Variants in KCNQ1 observed in about 807,000 individuals in gnomAD.
KCNQ1 encodes the protein potassium voltage-gated channel subfamily Q member 1.
In KCNQ1, 49 loss-of-function variants were observed where a neutral mutation model predicts 72.4. That is an observed-to-expected ratio of 0.68 (90% CI 0.54 to 0.86). The LOEUF (loss-of-function observed/expected upper bound fraction) is 0.86, where lower values mean the gene tolerates loss of function less well. Ranked by LOEUF, KCNQ1 falls within the 40% of genes least tolerant of loss-of-function variation. The probability of loss-of-function intolerance (pLI) is 0.00; values close to 1 mark genes in which losing one functional copy is unlikely to be tolerated. For missense variants in KCNQ1, 790 were observed against 945.1 expected (o/e 0.84, Z 2.15); for synonymous variants, 450 against 412.6 (o/e 1.09, Z -1.10).
rs773320289 is a variant in KCNQ1, at chr11:2,725,886, C to T, written c.1515-42958C>T. Reference sequence around the variant, plus strand: ...CCAAGCGTTTTCTGACTTGGAGAGGCAGGAGGCCAACTCCCCGCTCCTCAG... The same window carrying T: ...CCAAGCGTTTTCTGACTTGGAGAGGTAGGAGGCCAACTCCCCGCTCCTCAG... On this transcript the variant is annotated intron_variant, in intron 11 of 15. Transcript: ENST00000155840. This position sits in a 1 kb window ranked among gnomAD's most constrained non-coding sequence, Gnocchi z 7.2. Among the ~76,000 whole-genome samples, 38 of 152,090 alleles carry T rather than the reference C, an allele frequency of 2.5e-4. No homozygotes were observed. Among genetic ancestry groups the T allele is most frequent in the Admixed American group, 1.0e-3 (16 of 15,254 alleles).
Position 2,677,284 on chromosome 11 carries a change from C to A in KCNQ1, c.1514+15203C>A. The A allele has an allele frequency of 2.5e-6, 1 of 398,500 alleles. No homozygotes were observed. Among genetic ancestry groups the A allele is most frequent in the South Asian group, 1.3e-4 (1 of 7,828 alleles). 24.7% of individuals were successfully genotyped at this position (398,500 alleles called of 1,614,324 possible). On this transcript the variant is annotated intron_variant, in intron 11 of 15. Transcript: ENST00000155840. This position sits in a 1 kb window ranked among gnomAD's most constrained non-coding sequence, Gnocchi z 4.5. ...TATAAAGAGGAACTGTAAATCTTGT[C>A]AAAATAGGAGATTTCATCAAGTTAA...
intron 15 of KCNQ1, among the ~76,000 whole-genome samples, chr11:2,789,092 A>T (rs2134005776): frequency 6.6e-6 from 1 of 152,302 alleles, no homozygotes; most frequent in African/African-American, 2.4e-5. Flanking sequence ...CACCCCTGGA[A>T]CCAGGCTCAG....
In KCNQ1 at chr11:2,620,186, T is replaced by C; in HGVS notation, c.1393+31332T>C. 1 of 390,354 alleles carries C rather than the reference T, an allele frequency of 2.6e-6. No individual in the cohort carries two copies. The allele number at this position is 390,354 out of a possible 1,614,324, so 24.2% of individuals were successfully genotyped here. ...TGCATCCATGTTGCTGCAAAGGACGTAAGTTCATTCATGTATATATATATA... is the reference window on the plus strand; with the variant it reads ...TGCATCCATGTTGCTGCAAAGGACGCAAGTTCATTCATGTATATATATATA... On this transcript the variant is annotated intron_variant, in intron 10 of 15. Coordinates refer to ENST00000155840, the MANE Select transcript of KCNQ1 (RefSeq NM_000218.3). The surrounding 1 kb of genome is among the most constrained non-coding windows in gnomAD (Gnocchi z 4.5).
At chr11:2,517,112 C>T (rs538116731) in intron 1 of KCNQ1, among the ~76,000 whole-genome samples, 1 of 152,138 alleles carries the variant, frequency 6.6e-6, no homozygotes, top group Non-Finnish European at 1.5e-5. Context: ...CCTGGGCGTC[C>T]GGGTGAGATG....
rs915697583 is a variant in KCNQ1 at position 2,657,973 on chromosome 11, G to A, written c.1394-3988G>A. On this transcript the variant is annotated intron_variant, in intron 10 of 15. Transcript: ENST00000155840. This position sits in a 1 kb window ranked among gnomAD's most constrained non-coding sequence, Gnocchi z 4.8. ...TGAGCCACTCGTTTAAAGTGGTGTC[G>A]GCCAGGCTCCTCCACTGTAAGTGAA... 13 of 398,370 alleles carry A rather than the reference G, an allele frequency of 3.3e-5. No homozygotes were observed. The highest frequency in any genetic ancestry group is 4.0e-5 in the Non-Finnish European group (9 of 226,046). 24.7% of individuals were successfully genotyped at this position (398,370 alleles called of 1,614,324 possible). A position where few individuals can be genotyped will look rare whatever the true frequency, so the allele number is the denominator to read the frequency against.
chr11:2,543,233 G>A lies in KCNQ1; in HGVS notation c.477+15215G>A, dbSNP rs916665940. ...TTACATAGATATTTGTTTTACACAT[G>A]TATTCTCTAGTCGGTGGCTTTCCTT... On this transcript the variant is annotated intron_variant, in intron 2 of 15. Transcript: ENST00000155840. This position sits in a 1 kb window ranked among gnomAD's most constrained non-coding sequence, Gnocchi z 5.6. 6.6e-6 allele frequency among the ~76,000 whole-genome samples: 1 copy of A among 152,118 alleles called. No homozygotes were observed. Among genetic ancestry groups the A allele is most frequent in the Non-Finnish European group, 1.5e-5 (1 of 68,012 alleles).
intron 10 of KCNQ1, chr11:2,641,793 C>G (rs1489560277): frequency 2.5e-6 from 1 of 398,354 alleles, no homozygotes; most frequent in Non-Finnish European, 4.4e-6. Context: ...AAGTCTTTAA[C>G]CCATCTTGAG....
chr11:2,619,642 T>C (rs1849130217), intron 10 of KCNQ1: 1 of 398,440 alleles, frequency 2.5e-6, no homozygotes, highest in African/African-American at 2.1e-5. Flanking sequence ...TTGTGATGCC[T>C]TTGGCTCACC....
rs1442172649 is a variant in KCNQ1, at chr11:2,663,758, G to A, written c.1514+1677G>A. The A allele has an allele frequency of 5.0e-6, 2 of 398,608 alleles. No homozygotes were observed. The highest frequency in any genetic ancestry group is 8.8e-6 in the Non-Finnish European group (2 of 226,144). The allele number at this position is 398,608 out of a possible 1,614,324, so 24.7% of individuals were successfully genotyped here. A position where few individuals can be genotyped will look rare whatever the true frequency, so the allele number is the denominator to read the frequency against. On this transcript the variant is annotated intron_variant, in intron 11 of 15. Coordinates refer to ENST00000155840, the MANE Select transcript of KCNQ1 (RefSeq NM_000218.3). The surrounding 1 kb of genome is among the most constrained non-coding windows in gnomAD (Gnocchi z 5.2). ...AGGTGGTGAGAGACCAGGCACTTAT[G>A]TGGATCACAGCCAAACTTGCAGCTG... is the stretch of plus-strand genomic sequence containing the variant.
intron 11 of KCNQ1, chr11:2,672,159 T>G (rs2133869562): frequency 2.5e-6 from 1 of 398,744 alleles, no homozygotes; most frequent in South Asian, 1.3e-4. Flanking sequence ...AAAGTTGGGC[T>G]TGTTTTTCAG....
At chr11:2,504,813 T>G (rs975178209) in intron 1 of KCNQ1, among the ~76,000 whole-genome samples, 8 of 152,170 alleles carry the variant, frequency 5.3e-5, no homozygotes, top group Non-Finnish European at 1.0e-4. Flanking sequence ...GGGTAAATGT[T>G]TGAGGTAGTA....
intron 15 of KCNQ1, among the ~76,000 whole-genome samples, chr11:2,790,716 C>T (rs925026215): frequency 6.6e-6 from 1 of 152,236 alleles, no homozygotes; most frequent in Non-Finnish European, 1.5e-5. Context: ...TTATGCCGAT[C>T]GCTCGCGTGC....
At chr11:2,739,669 G>A (rs1846018271) in intron 11 of KCNQ1, among the ~76,000 whole-genome samples, 1 of 152,210 alleles carries the variant, frequency 6.6e-6, no homozygotes, top group Non-Finnish European at 1.5e-5. Context: ...CCTATCCACG[G>A]CACTGGGCCC....
At position 2,663,202 on chromosome 11, in the gene KCNQ1, A is replaced by C; in HGVS notation, c.1514+1121A>C. ...AGGTTGGCAGTACCTCATGGTGGGT[A>C]GGGTGTGAAGAGGCTCCAAGGGAGC... On this transcript the variant is annotated intron_variant, in intron 11 of 15. Coordinates refer to ENST00000155840, the MANE Select transcript of KCNQ1 (RefSeq NM_000218.3). The surrounding 1 kb of genome is among the most constrained non-coding windows in gnomAD (Gnocchi z 5.2). The C allele has an allele frequency of 2.5e-6, 1 of 398,716 alleles. No homozygotes were observed. The highest frequency in any genetic ancestry group is 4.4e-6 in the Non-Finnish European group (1 of 226,164). 24.7% of individuals were successfully genotyped at this position (398,716 alleles called of 1,614,324 possible). A position where few individuals can be genotyped will look rare whatever the true frequency, so the allele number is the denominator to read the frequency against.
At chr11:2,845,308 G>A (rs1848303706) in intron 15 of KCNQ1, among the ~76,000 whole-genome samples, 1 of 152,230 alleles carries the variant, frequency 6.6e-6, no homozygotes, top group African/African-American at 2.4e-5. Flanking sequence ...CTTGGGGTGG[G>A]AGCTGTGGGG....
At position 2,608,353 on chromosome 11, in the gene KCNQ1, T is replaced by G; in HGVS notation, c.1393+19499T>G. ...TAGTCAGTTTTCATAGTTTTCATCT[T>G]TCTAGGAATTTGTCAATTTCATCTA... is the stretch of plus-strand genomic sequence containing the variant. On this transcript the variant is annotated intron_variant, in intron 10 of 15. Transcript: ENST00000155840. This position sits in a 1 kb window ranked among gnomAD's most constrained non-coding sequence, Gnocchi z 4.6. The G allele has an allele frequency of 2.5e-6, 1 of 398,610 alleles. No individual in the cohort carries two copies. Among genetic ancestry groups the G allele is most frequent in the Non-Finnish European group, 4.4e-6 (1 of 226,054 alleles). The allele number at this position is 398,610 out of a possible 1,614,324, so 24.7% of individuals were successfully genotyped here.
intron 1 of KCNQ1, among the ~76,000 whole-genome samples, chr11:2,524,594 A>G (rs2133642716): frequency 6.6e-6 from 1 of 152,324 alleles, no homozygotes; most frequent in South Asian, 2.1e-4. Flanking sequence ...CTGAACAGAC[A>G]GCAACTTAGT....
At chr11:2,747,490 G>A (rs1846159386) in intron 11 of KCNQ1, among the ~76,000 whole-genome samples, 1 of 152,212 alleles carries the variant, frequency 6.6e-6, no homozygotes, top group Admixed American at 6.5e-5. Flanking sequence ...GCTGGCCTGG[G>A]CTGGGGCTGC....
At position 2,752,677 on chromosome 11, in the gene KCNQ1, A is replaced by G. The variant is rs535675043; in HGVS notation, c.1515-16167A>G. On this transcript the variant is annotated intron_variant, in intron 11 of 15. Transcript: ENST00000155840. The surrounding 1 kb of genome is among the most constrained non-coding windows in gnomAD (Gnocchi z 5.2). ...CCAAGGGCACGCATCCTCTTCCTGA[A>G]GGCTCTGCCCTCACGGCCGAATCAC... Among the ~76,000 whole-genome samples, 158 of 152,206 alleles carry G rather than the reference A, an allele frequency of 1.0e-3. No homozygotes were observed. Among genetic ancestry groups the G allele is most frequent in the African/African-American group, 3.4e-3 (141 of 41,548 alleles).
Sources: gnomAD v4.1 joint callset for allele counts (sites outside exome capture counted in the v4.1 genomes callset) on GRCh38, gnomAD v4.1.1 for gene constraint, Gnocchi (gnomAD v3.1) non-coding constraint, MANE v1.5 for transcripts, NCBI Gene and HGNC (gene_info 2026-07-23, HGNC 2026-07-21) for gene names.